The following VRK2 variants were observed in gnomAD, a reference collection of about 807,000 sequenced individuals.
VRK2 encodes the protein serine/threonine-protein kinase VRK2.
Under a neutral mutation model 57.6 loss-of-function variants are expected in VRK2, and 60 were observed. That is an observed-to-expected ratio of 1.04 (90% CI 0.85 to 1.29). VRK2 has a LOEUF of 1.29. Ranked by LOEUF, VRK2 falls within the 50% of genes most tolerant of loss-of-function variation. The probability of loss-of-function intolerance (pLI) is 0.00; values close to 1 mark genes in which losing one functional copy is unlikely to be tolerated. For synonymous variants in VRK2, 231 were observed against 199.2 expected (o/e 1.16, Z -1.35); for missense variants, 705 against 588.1 (o/e 1.20, Z -2.06).
At chr2:57,980,926 T>C (rs749173536) in intron 1 of VRK2, among the ~76,000 whole-genome samples, 3 of 152,164 alleles carry the variant, frequency 2.0e-5, no homozygotes, top group African/African-American at 4.8e-5. Flanking sequence ...ATGGGTGTCA[T>C]TGCATATGAG....
In VRK2 at chr2:58,086,428, TA is replaced by T. The variant is rs748619079; in HGVS notation, c.344+6del. 6.3e-7 allele frequency: 1 copy of T among 1,576,838 alleles called. No homozygotes were observed. On this transcript the variant is annotated splice_donor_region_variant and intron_variant, in intron 5 of 12. Coordinates refer to ENST00000340157, the MANE Select transcript of VRK2 (RefSeq NM_006296.7). Reference sequence around the variant, plus strand: ...TCTGACTGAATTCAAGGGAAGAAGGTAAAATGGAATTATTATAATCAAATAT... The same window carrying T: ...TCTGACTGAATTCAAGGGAAGAAGGTAAATGGAATTATTATAATCAAATAT...
At chr2:57,977,550 G>C (rs533797769) in intron 1 of VRK2, among the ~76,000 whole-genome samples, 2 of 145,096 alleles carry the variant, frequency 1.4e-5, no homozygotes, top group South Asian at 2.1e-4. Context: ...AAATGCTACC[G>C]ATTTTTGTAC....
In VRK2 at chr2:57,922,388, T is replaced by C. The variant is rs537358200; in HGVS notation, c.-439+14549T>C. Among the ~76,000 whole-genome samples, 4 of 152,058 alleles carry C rather than the reference T, an allele frequency of 2.6e-5. No individual in the cohort carries two copies. In the East Asian group the frequency reaches 7.7e-4, roughly 29 times the overall value. On this transcript the variant is annotated intron_variant, in intron 1 of 15. Transcript: ENST00000417641. ...GTGTACAATGTGATGTTTAAATATA[T>C]GTATATGTTGTGAAATGATTACCAC...
At chr2:57,954,995 G>A (rs1671538431) in intron 1 of VRK2, among the ~76,000 whole-genome samples, 1 of 152,100 alleles carries the variant, frequency 6.6e-6, no homozygotes, top group Non-Finnish European at 1.5e-5. Flanking sequence ...CATAGATATG[G>A]TGGACTATTA....
intron 12 of VRK2, among the ~76,000 whole-genome samples, chr2:58,149,570 A>G (rs1324964414): frequency 6.6e-6 from 1 of 151,502 alleles, no homozygotes; most frequent in Non-Finnish European, 1.5e-5. Flanking sequence ...CAGCTCTAGT[A>G]TTACGTTGAA....
chr2:57,921,775 G>A (rs921059899), intron 1 of VRK2, among the ~76,000 whole-genome samples: 28 of 152,138 alleles, frequency 1.8e-4, no homozygotes, highest in African/African-American at 6.7e-4. Context: ...GCTAGGAGTT[G>A]CTATGATTTA....
At chr2:57,920,709 T>C (rs141729720) in intron 1 of VRK2, among the ~76,000 whole-genome samples, 2 of 152,158 alleles carry the variant, frequency 1.3e-5, no homozygotes, top group African/African-American at 2.4e-5. Flanking sequence ...TCTTAGCACT[T>C]TTTAAAAATA....
intron 1 of VRK2, among the ~76,000 whole-genome samples, chr2:57,922,847 A>G (rs1167913312): frequency 1.3e-5 from 2 of 151,854 alleles, no homozygotes; most frequent in East Asian, 1.9e-4. Flanking sequence ...TATTCATTCT[A>G]TTTTTGTACT....
chr2:57,956,079 T>G (rs973956577), intron 1 of VRK2, among the ~76,000 whole-genome samples: 1 of 152,162 alleles, frequency 6.6e-6, no homozygotes, highest in Admixed American at 6.6e-5. Context: ...ATAAAAGAAA[T>G]GAGCACCCTG....
At chr2:57,929,497 C>T (rs1323070505) in intron 1 of VRK2, among the ~76,000 whole-genome samples, 5 of 152,124 alleles carry the variant, frequency 3.3e-5, no homozygotes, top group Non-Finnish European at 7.4e-5. Flanking sequence ...AAATGCTGTC[C>T]AAGAACCAAG....
intron 1 of VRK2, among the ~76,000 whole-genome samples, chr2:57,945,497 T>C (rs1437081708): frequency 1.3e-5 from 2 of 152,196 alleles, no homozygotes; most frequent in African/African-American, 4.8e-5. Context: ...CTGTTCACCA[T>C]ACCTGTAAAG....
At chr2:57,991,671 G>A (rs1403381908) in intron 1 of VRK2, among the ~76,000 whole-genome samples, 7 of 151,928 alleles carry the variant, frequency 4.6e-5, no homozygotes, top group African/African-American at 1.7e-4. Flanking sequence ...GATTTTGGCC[G>A]GGTGTGGTAG....
intron 2 of VRK2, among the ~76,000 whole-genome samples, chr2:58,069,080 ACT>A (rs1314456643): frequency 2.6e-5 from 4 of 152,124 alleles, no homozygotes; most frequent in Middle Eastern, 3.4e-3. Flanking sequence ...ATGCCTAGTA[ACT>A]CTGAATTATT....
intron 7 of VRK2, among the ~76,000 whole-genome samples, chr2:58,097,096 C>T (rs1200319678): frequency 1.3e-5 from 2 of 151,990 alleles, no homozygotes; most frequent in Non-Finnish European, 2.9e-5. Context: ...CAGTTTTTGT[C>T]AGTCTTCCAT....
intron 2 of VRK2, among the ~76,000 whole-genome samples, chr2:58,054,440 C>T (rs1484550109): frequency 6.6e-6 from 1 of 151,164 alleles, no homozygotes. Flanking sequence ...TTTCTTCTTC[C>T]TGAAATGAGC....
At chr2:58,035,028 G>A (rs1376280152) in intron 3 of VRK2, among the ~76,000 whole-genome samples, 1 of 151,976 alleles carries the variant, frequency 6.6e-6, no homozygotes, top group Non-Finnish European at 1.5e-5. Context: ...ATCTCAAGGT[G>A]TGTTGGTATT....
chr2:58,126,382 A>G (rs1312809295), intron 8 of VRK2, among the ~76,000 whole-genome samples: 1 of 152,050 alleles, frequency 6.6e-6, no homozygotes, highest in African/African-American at 2.4e-5. Context: ...TCATTTTTCT[A>G]TGGATTGAGT....
intron 1 of VRK2, among the ~76,000 whole-genome samples, chr2:57,939,736 G>A (rs13417527): frequency 0.042 from 6,441 of 152,198 alleles, 448 homozygotes; most frequent in African/African-American, 0.15. Flanking sequence ...TTTGTCCATT[G>A]TTAACTATTG....
At chr2:57,927,186 G>C (rs1388195205) in intron 1 of VRK2, among the ~76,000 whole-genome samples, 1 of 151,446 alleles carries the variant, frequency 6.6e-6, no homozygotes, top group African/African-American at 2.4e-5. Context: ...CCCCACTTTT[G>C]AACTTTTTGT....
Sources: gnomAD v4.1 joint callset for allele counts (sites outside exome capture counted in the v4.1 genomes callset) on GRCh38, gnomAD v4.1.1 for gene constraint, MANE v1.5 for transcripts, NCBI Gene and HGNC (gene_info 2026-07-23, HGNC 2026-07-21) for gene names.